Variants in RNF216 observed in about 807,000 individuals in gnomAD.
RNF216 encodes the protein E3 ubiquitin-protein ligase RNF216.
RNF216 carries 72 observed loss-of-function variants against 110.8 expected under a neutral mutation model. That is an observed-to-expected ratio of 0.65 (90% CI 0.54 to 0.79). The LOEUF is 0.79. RNF216 is among the 30% of genes least tolerant of loss of function. The pLI, the probability that RNF216 is intolerant of heterozygous loss-of-function variation, is 0.00. For synonymous variants in RNF216, 495 were observed against 407.5 expected (o/e 1.21, Z -2.59); for missense variants, 1,342 against 1,141.2 (o/e 1.18, Z -2.54).
intron 1 of RNF216, among the ~76,000 whole-genome samples, chr7:5,772,912 G>A (rs938800293): frequency 6.6e-6 from 1 of 151,712 alleles, no homozygotes; most frequent in Admixed American, 6.6e-5. Context: ...CCGAGTAGCT[G>A]GGATTACAGG....
rs570630928 is a variant in RNF216, at chr7:5,759,843, G to C, written c.67+1160C>G. 3.7e-4 allele frequency among the ~76,000 whole-genome samples: 57 copies of C among 152,056 alleles called. 1 individual carries two copies. In the South Asian group the frequency reaches 7.9e-3, roughly 21 times the overall value. Reference sequence around the variant, plus strand: ...AGATGGGATTTCACCATGTTGGTCAGGCTGGTCTCGAACTCCTGACCTCGT... The same window carrying C: ...AGATGGGATTTCACCATGTTGGTCACGCTGGTCTCGAACTCCTGACCTCGT... On this transcript the variant is annotated intron_variant, in intron 2 of 16. Transcript: ENST00000389902.
intron 13 of RNF216, among the ~76,000 whole-genome samples, chr7:5,695,177 T>C (rs1016036723): frequency 5.9e-5 from 9 of 152,226 alleles, no homozygotes; most frequent in Admixed American, 5.2e-4. Context: ...ACAACAAGCA[T>C]GTCTGGGTTA....
At chr7:5,773,237 C>T (rs7808644) in intron 1 of RNF216, among the ~76,000 whole-genome samples, 52,842 of 151,638 alleles carry the variant, frequency 0.35, 10,667 homozygotes, top group East Asian at 0.76. Context: ...TTTTTTTTCC[C>T]CAAATAAGAT....
At chr7:5,695,935 C>G (rs1301870689) in intron 13 of RNF216, among the ~76,000 whole-genome samples, 1 of 152,174 alleles carries the variant, frequency 6.6e-6, no homozygotes, top group African/African-American at 2.4e-5. Flanking sequence ...ACATGTTTCC[C>G]GTCAGAACGC....
At chr7:5,761,565 G>A (rs773139481) in intron 1 of RNF216, among the ~76,000 whole-genome samples, 5 of 152,128 alleles carry the variant, frequency 3.3e-5, no homozygotes, top group Non-Finnish European at 7.4e-5. Flanking sequence ...AGGCGGGCAG[G>A]TCATGAGGTT....
At chr7:5,672,122 CCT>C (rs2128596415) in intron 13 of RNF216, among the ~76,000 whole-genome samples, 1 of 152,314 alleles carries the variant, frequency 6.6e-6, no homozygotes, top group African/African-American at 2.4e-5. Context: ...CACGCTGTGC[CCT>C]CTGATCTTCT....
intron 8 of RNF216, among the ~76,000 whole-genome samples, chr7:5,722,696 G>GT (rs1278919512): frequency 6.6e-6 from 1 of 151,526 alleles, no homozygotes; most frequent in Non-Finnish European, 1.5e-5. Context: ...AGCCTCTCAT[G>GT]TTTTTTTAAA....
intron 1 of RNF216, among the ~76,000 whole-genome samples, chr7:5,766,267 G>A (rs2128675693): frequency 6.6e-6 from 1 of 152,294 alleles, no homozygotes; most frequent in East Asian, 1.9e-4. Flanking sequence ...TCCAGCCTGG[G>A]TGACAGAGTG....
chr7:5,673,443 G>T (rs1790056823), intron 13 of RNF216, among the ~76,000 whole-genome samples: 1 of 152,206 alleles, frequency 6.6e-6, no homozygotes, highest in Admixed American at 6.5e-5. Flanking sequence ...GAAGGGGCCA[G>T]ACTAACAAGA....
rs1795985747 is a variant in RNF216 at position 5,762,498 on chromosome 7, A to T, written c.-69-1360T>A. ...CGGTGAAACCCCATCTCTACTAAAAATTTAAAAAATAATAATAAATAAATA... is the reference window on the plus strand; with the variant it reads ...CGGTGAAACCCCATCTCTACTAAAATTTTAAAAAATAATAATAAATAAATA... On this transcript the variant is annotated intron_variant, in intron 1 of 16. Transcript: ENST00000389902. 2.0e-5 allele frequency among the ~76,000 whole-genome samples: 3 copies of T among 151,584 alleles called. No individual in the cohort carries two copies. The South Asian group carries it at 6.2e-4, about 31-fold the overall frequency.
At chr7:5,651,288 G>A (rs1021586653) in intron 14 of RNF216, among the ~76,000 whole-genome samples, 5 of 151,540 alleles carry the variant, frequency 3.3e-5, no homozygotes, top group Non-Finnish European at 7.4e-5. Context: ...TTGTAGTGGT[G>A]CGATTTTGGC....
Position 5,712,703 on chromosome 7 carries a change from C to G in RNF216, c.1982+12G>C. 6.2e-7 allele frequency: 1 copy of G among 1,613,936 alleles called. No individual in the cohort carries two copies. Among genetic ancestry groups the G allele is most frequent in the Non-Finnish European group, 8.5e-7 (1 of 1,179,902 alleles). On this transcript the variant is annotated intron_variant, in intron 12 of 16. Transcript: ENST00000389902. The stretch of plus-strand genomic sequence containing the variant: ...AGAGTTGGCAGATGGCACGCTCTGC[C>G]TGAGAACGAACCTGACAAGCTCGTC...
At chr7:5,767,321 T>A (rs897171914) in intron 1 of RNF216, among the ~76,000 whole-genome samples, 1 of 151,972 alleles carries the variant, frequency 6.6e-6, no homozygotes, top group Non-Finnish European at 1.5e-5. Context: ...AAATCTTAAG[T>A]GTGAAAAAAT....
At chr7:5,697,512 T>G (rs1288425181) in intron 13 of RNF216, among the ~76,000 whole-genome samples, 1 of 152,244 alleles carries the variant, frequency 6.6e-6, no homozygotes, top group Non-Finnish European at 1.5e-5. Context: ...CTCATTGGCC[T>G]CTTCTGTACC....
At chr7:5,747,524 T>A (rs1795089905) in intron 3 of RNF216, among the ~76,000 whole-genome samples, 1 of 152,152 alleles carries the variant, frequency 6.6e-6, no homozygotes, top group Admixed American at 6.5e-5. Flanking sequence ...TACGGTGTTA[T>A]CTGAAAGCAA....
intron 13 of RNF216, among the ~76,000 whole-genome samples, chr7:5,691,179 C>T (rs889738336): frequency 5.3e-5 from 8 of 152,232 alleles, no homozygotes; most frequent in African/African-American, 1.9e-4. Context: ...GACAGCACTT[C>T]TGCTCATGCC....
At chr7:5,636,247 T>C (rs1787389969) in intron 15 of RNF216, among the ~76,000 whole-genome samples, 1 of 152,250 alleles carries the variant, frequency 6.6e-6, no homozygotes, top group South Asian at 2.1e-4. Flanking sequence ...CTTTCCACTC[T>C]GCTCCCTAAT....
At chr7:5,638,912 G>A (rs540739819) in intron 15 of RNF216, among the ~76,000 whole-genome samples, 23 of 152,248 alleles carry the variant, frequency 1.5e-4, no homozygotes, top group African/African-American at 5.5e-4. Flanking sequence ...ACAGACATGA[G>A]CCACTGCACC....
At chr7:5,641,070 G>A (rs1486687902) in intron 15 of RNF216, 84 bp downstream of exon 15, 1 of 1,117,120 alleles carries the variant, frequency 9.0e-7, no homozygotes, top group Non-Finnish European at 1.3e-6. Flanking sequence ...GTCAAATTTT[G>A]TTACGTATAT....
Sources: allele counts gnomAD v4.1 joint callset (sites outside exome capture counted in the v4.1 genomes callset), GRCh38; gene constraint gnomAD v4.1.1; transcripts MANE v1.5; gene names NCBI Gene and HGNC (gene_info 2026-07-23, HGNC 2026-07-21).